The following COQ8A variants were observed in gnomAD, a reference collection of about 807,000 sequenced individuals.
COQ8A encodes coenzyme Q8A.
Under a neutral mutation model 65.0 loss-of-function variants are expected in COQ8A, and 51 were observed. That is an observed-to-expected ratio of 0.78 (90% confidence interval 0.63 to 0.99). The LOEUF is 0.99. Ranked by LOEUF, COQ8A falls within the 50% of genes least tolerant of loss-of-function variation. The pLI, the probability that COQ8A is intolerant of heterozygous loss-of-function variation, is 0.00. For synonymous variants in COQ8A, 371 were observed against 353.2 expected (o/e 1.05, Z -0.57); for missense variants, 940 against 875.0 (o/e 1.07, Z -0.94).
At chr1:226,982,848 C>T (rs765388096) in intron 7 of COQ8A, 46 bp from the exon 8 acceptor site, 1 of 1,612,550 alleles carries the variant, frequency 6.2e-7, no homozygotes, top group Non-Finnish European at 8.5e-7. Context: ...CTCCCGGTGG[C>T]CCAGGCAGGG....
chr1:226,960,275 G>GTGGTGATGGTA (rs1658092116), intron 1 of COQ8A, among the ~76,000 whole-genome samples: 1 of 99,404 alleles, frequency 1.0e-5, no homozygotes, highest in Non-Finnish European at 2.1e-5. Context: ...GTACTTGGTG[G>GTGGTGATGGTA]CGGTGGTACT....
chr1:226,984,032 T>TG (rs1659897734), intron 10 of COQ8A, 62 bp from the exon 11 acceptor site: 3 of 1,384,068 alleles, frequency 2.2e-6, no homozygotes, highest in Non-Finnish European at 1.9e-6. Context: ...GGGGGGTGTG[T>TG]GTGGGGGGGG....
At position 226,970,491 on chromosome 1, in the gene COQ8A, A is replaced by G. The variant is rs183438061; in HGVS notation, c.655+4754A>G. ...TTGTGTACCTAAACATAGAAAAGGTATAGTAAAAATATGATACAATCTATC... is the reference window on the plus strand; with the variant it reads ...TTGTGTACCTAAACATAGAAAAGGTGTAGTAAAAATATGATACAATCTATC... On this transcript the variant is annotated intron_variant, in intron 4 of 14. Transcript: ENST00000366777. 2.2e-3 allele frequency among the ~76,000 whole-genome samples: 342 copies of G among 152,338 alleles called. 3 individuals carry two copies. The highest frequency in any genetic ancestry group is 8.1e-3 in the African/African-American group (337 of 41,582).
intron 2 of COQ8A, among the ~76,000 whole-genome samples, chr1:226,963,193 A>G (rs1379639937): frequency 6.6e-6 from 1 of 152,208 alleles, no homozygotes; most frequent in East Asian, 1.9e-4. Flanking sequence ...ACTCGGAGGT[A>G]GGGCTGAGTG....
chr1:226,981,970 C>T lies in COQ8A; in HGVS notation c.731-57C>T. On this transcript the variant is annotated intron_variant, in intron 5 of 14. Coordinates refer to ENST00000366777, the MANE Select transcript of COQ8A (RefSeq NM_020247.5). ...CTCCGTCTGTATCAGGTGGGGCTTG[C>T]CATCCCACTCCCAGACCCCCCCGAG... is the stretch of plus-strand genomic sequence containing the variant. 3 of 1,612,064 alleles carry T rather than the reference C, an allele frequency of 1.9e-6. No individual in the cohort carries two copies. In the South Asian group the frequency reaches 3.3e-5, roughly 18 times the overall value.
intron 4 of COQ8A, among the ~76,000 whole-genome samples, chr1:226,976,481 G>A (rs1049654251): frequency 4.6e-5 from 7 of 152,164 alleles, no homozygotes; most frequent in Non-Finnish European, 8.8e-5. Flanking sequence ...GGGGCTCTCC[G>A]AGGCCGGCTC....
intron 1 of COQ8A, among the ~76,000 whole-genome samples, chr1:226,960,311 CGGTACT>C (rs1658104049): frequency 3.0e-4 from 1 of 3,346 alleles, no homozygotes; most frequent in Non-Finnish European, 5.9e-4. Flanking sequence ...GTGGTGGTGG[CGGTACT>C]TGGTGGTGGT....
intron 1 of COQ8A, among the ~76,000 whole-genome samples, chr1:226,942,184 A>C (rs1454220354): frequency 1.3e-5 from 2 of 152,030 alleles, no homozygotes; most frequent in Non-Finnish European, 2.9e-5. Context: ...AAACTCTAAA[A>C]AGAGTTGTCC....
intron 1 of COQ8A, among the ~76,000 whole-genome samples, chr1:226,951,868 A>G (rs1657410594): frequency 2.0e-5 from 3 of 152,206 alleles, no homozygotes; most frequent in Non-Finnish European, 4.4e-5. Flanking sequence ...CTGTGTTCCA[A>G]TAAAACTTTA....
chr1:226,975,740 A>C (rs1659154834), intron 4 of COQ8A, among the ~76,000 whole-genome samples: 1 of 152,106 alleles, frequency 6.6e-6, no homozygotes. Flanking sequence ...TGCTCTACTC[A>C]CGCCCGCACG....
At chr1:226,960,485 TTGGTGGTGGTGGTGGTGCTTGG>T (rs1658163036) in intron 1 of COQ8A, among the ~76,000 whole-genome samples, 3 of 12,418 alleles carry the variant, frequency 2.4e-4, no homozygotes, top group Non-Finnish European at 3.9e-4. Flanking sequence ...GCAGTGGTAC[TTGGTGGTGGTGGTGGTGCTTGG>T]TGGTGGTGGT....
intron 1 of COQ8A, among the ~76,000 whole-genome samples, chr1:226,953,621 TG>T: frequency 6.6e-6 from 1 of 152,186 alleles, no homozygotes; most frequent in Non-Finnish European, 1.5e-5. Flanking sequence ...AGCAGGCCTG[TG>T]CTGGGGCTCA....
chr1:226,948,208 G>A (rs1165249528), intron 1 of COQ8A, among the ~76,000 whole-genome samples: 2 of 152,180 alleles, frequency 1.3e-5, no homozygotes, highest in Non-Finnish European at 2.9e-5. Context: ...AGGCTCAAGG[G>A]CAGGACCCGA....
intron 3 of COQ8A, 59 bp downstream of exon 3, chr1:226,965,469 T>G: frequency 1.3e-6 from 2 of 1,579,258 alleles, no homozygotes; most frequent in Non-Finnish European, 1.7e-6. Flanking sequence ...AGTGATGGCC[T>G]TGGGCTCTGC....
rs1558190887 is a variant in COQ8A, at chr1:226,965,116, T to C, written c.294T>C (p.Ala98=). 2 of 1,613,898 alleles carry C rather than the reference T, an allele frequency of 1.2e-6. No homozygotes were observed. The highest frequency in any genetic ancestry group is 2.2e-5 in the East Asian group (1 of 44,876). Residue 98 remains alanine, a synonymous_variant, in exon 3 of 15, where the codon GCT becomes GCC. Coordinates refer to ENST00000366777, the MANE Select transcript of COQ8A (RefSeq NM_020247.5). ...GASTDFSSAS[A]PDQSAPPSLG... ...CCACAGACTTCTCTTCAGCCTCCGC[T>C]CCCGACCAGTCAGCGCCCCCATCCC...
chr1:226,966,258 G>A (rs1658562582), intron 4 of COQ8A, among the ~76,000 whole-genome samples: 1 of 152,246 alleles, frequency 6.6e-6, no homozygotes, highest in African/African-American at 2.4e-5. Flanking sequence ...TCCAGCTGCT[G>A]CTGTTTAAAG....
intron 5 of COQ8A, among the ~76,000 whole-genome samples, chr1:226,978,641 ACCT>A (rs1238448420): frequency 1.6e-4 from 8 of 50,792 alleles, no homozygotes; most frequent in African/African-American, 3.6e-4. Flanking sequence ...ACACCCGCCC[ACCT>A]CCTTACCCTC....
rs778137702 is a variant in COQ8A, at chr1:226,965,051, G to A, written c.229G>A (p.Gly77Arg). The A allele has an allele frequency of 1.2e-6, 2 of 1,613,926 alleles. No individual in the cohort carries two copies. The highest frequency in any genetic ancestry group is 2.2e-5 in the East Asian group (1 of 44,892). ...TGCTGAGAACTTCGGCGGCCCAGAAGGGGAGTTCCACTTCTCAGTCCCGCA... is the reference window on the plus strand; with the variant it reads ...TGCTGAGAACTTCGGCGGCCCAGAAAGGGAGTTCCACTTCTCAGTCCCGCA... Reference protein sequence around the residue: ...YFAENFGGPEGEFHFSVPHAA... With the variant: ...YFAENFGGPEREFHFSVPHAA... The change falls in exon 3 of 15, where the codon GGG becomes AGG. Residue 77 changes from glycine to arginine, a missense_variant. Coordinates refer to ENST00000366777, the MANE Select transcript of COQ8A (RefSeq NM_020247.5).
chr1:226,986,251 T>C (rs1191640097), intron 14 of COQ8A, among the ~76,000 whole-genome samples: 1 of 152,074 alleles, frequency 6.6e-6, no homozygotes. Context: ...GCCACTCCCT[T>C]TTGTATCACA....
Sources: gnomAD v4.1 joint callset for allele counts (sites outside exome capture counted in the v4.1 genomes callset) on GRCh38, gnomAD v4.1.1 for gene constraint, MANE v1.5 for transcripts, NCBI Gene and HGNC (gene_info 2026-07-23, HGNC 2026-07-21) for gene names.